The following PLCB1 variants were observed in gnomAD, a reference collection of about 807,000 sequenced individuals.
PLCB1 encodes the protein 1-phosphatidylinositol 4,5-bisphosphate phosphodiesterase beta-1.
Under a neutral mutation model 161.8 loss-of-function variants are expected in PLCB1, and 46 were observed. The ratio of observed to expected loss-of-function variants is 0.28; its 90% CI spans 0.22 to 0.36. PLCB1 has a LOEUF of 0.36. PLCB1 is among the 10% of genes least tolerant of loss of function. The pLI is 1.00. For missense variants in PLCB1, 1,016 were observed against 1,472.5 expected, an observed-to-expected ratio of 0.69 and a Z score of 5.07; for synonymous variants, 517 against 503.7, an observed-to-expected ratio of 1.03 and a Z score of -0.35.
chr20:8,155,011 A>G (rs1217909386), intron 2 of PLCB1, among the ~76,000 whole-genome samples: 2 of 152,198 alleles, frequency 1.3e-5, no homozygotes, highest in East Asian at 3.9e-4. Flanking sequence ...TTTTTAATCC[A>G]TATGTAATGT....
chr20:8,576,170 G>A (rs1986667460), intron 3 of PLCB1, among the ~76,000 whole-genome samples: 1 of 152,094 alleles, frequency 6.6e-6, no homozygotes, highest in Non-Finnish European at 1.5e-5. Context: ...AATAATTGGT[G>A]GGTATTTCTG....
intron 3 of PLCB1, among the ~76,000 whole-genome samples, chr20:8,406,270 C>A (rs1343691508): frequency 1.3e-5 from 2 of 152,162 alleles, no homozygotes; most frequent in Non-Finnish European, 2.9e-5. Context: ...AGCTGTTTCT[C>A]TCTTTCTTTA....
At chr20:8,380,419 T>G (rs1051288563) in intron 3 of PLCB1, among the ~76,000 whole-genome samples, 1 of 152,232 alleles carries the variant, frequency 6.6e-6, no homozygotes, top group Non-Finnish European at 1.5e-5. Flanking sequence ...AGGATTGTCT[T>G]GGCTATACAA....
At chr20:8,651,405 T>C (rs1202013616) in intron 7 of PLCB1, 1 of 718,890 alleles carries the variant, frequency 1.4e-6, no homozygotes, top group Non-Finnish European at 2.6e-6. Flanking sequence ...ATCACCTTTC[T>C]TCTATAGGTG....
chr20:8,573,073 G>A (rs1329565408), intron 3 of PLCB1, among the ~76,000 whole-genome samples: 4 of 152,104 alleles, frequency 2.6e-5, no homozygotes. Context: ...TATTGAGAAG[G>A]AATGGCCAGA....
At chr20:8,151,082 C>T (rs1374352839) in intron 2 of PLCB1, among the ~76,000 whole-genome samples, 3 of 152,110 alleles carry the variant, frequency 2.0e-5, no homozygotes, top group East Asian at 1.9e-4. Flanking sequence ...TTTCAAGCAT[C>T]GTTGCCACAG....
intron 3 of PLCB1, among the ~76,000 whole-genome samples, chr20:8,609,550 A>G (rs1177869634): frequency 2.6e-5 from 4 of 152,166 alleles, no homozygotes; most frequent in Non-Finnish European, 5.9e-5. Context: ...TCTTCAATTT[A>G]CCACCTATTA....
At chr20:8,538,207 T>C (rs1336798248) in intron 3 of PLCB1, among the ~76,000 whole-genome samples, 1 of 152,048 alleles carries the variant, frequency 6.6e-6, no homozygotes, top group Non-Finnish European at 1.5e-5. Flanking sequence ...TTCACATATC[T>C]TATGAAATAA....
chr20:8,184,870 C>T (rs1424326546), intron 2 of PLCB1, among the ~76,000 whole-genome samples: 2 of 150,652 alleles, frequency 1.3e-5, no homozygotes, highest in Admixed American at 1.3e-4. Flanking sequence ...TATATATGTC[C>T]CATGGTGGTT....
At chr20:8,830,222 A>G (rs1349653355) in intron 31 of PLCB1, among the ~76,000 whole-genome samples, 1 of 152,238 alleles carries the variant, frequency 6.6e-6, no homozygotes, top group Non-Finnish European at 1.5e-5. Flanking sequence ...GGCCTAAGGC[A>G]AAGGGAACAG....
At chr20:8,237,883 T>A (rs1172888152) in intron 2 of PLCB1, among the ~76,000 whole-genome samples, 4 of 152,128 alleles carry the variant, frequency 2.6e-5, no homozygotes, top group African/African-American at 9.7e-5. Flanking sequence ...TTTAAAAAAT[T>A]AATCCTGCCA....
intron 2 of PLCB1, among the ~76,000 whole-genome samples, chr20:8,291,750 G>A (rs1600291425): frequency 6.6e-6 from 1 of 152,102 alleles, no homozygotes; most frequent in South Asian, 2.1e-4. Flanking sequence ...CTTCACCATG[G>A]TGTAGGTACT....
At chr20:8,503,828 T>G (rs900283372) in intron 3 of PLCB1, among the ~76,000 whole-genome samples, 6 of 152,178 alleles carry the variant, frequency 3.9e-5, no homozygotes, top group Admixed American at 6.6e-5. Context: ...GTAACATAAA[T>G]AAAAATTTAG....
At chr20:8,425,354 C>T (rs957286138) in intron 3 of PLCB1, among the ~76,000 whole-genome samples, 8 of 152,050 alleles carry the variant, frequency 5.3e-5, no homozygotes, top group Admixed American at 4.6e-4. Flanking sequence ...CAATTTAGTT[C>T]CAGGAAATTG....
chr20:8,657,714 G>T (rs1989502917), intron 8 of PLCB1, among the ~76,000 whole-genome samples: 1 of 151,852 alleles, frequency 6.6e-6, no homozygotes, highest in African/African-American at 2.4e-5. Context: ...TTGCTTTTCT[G>T]TTAGAAATTA....
chr20:8,334,221 GAAAGA>G (rs968317230), intron 2 of PLCB1, among the ~76,000 whole-genome samples: 2 of 150,390 alleles, frequency 1.3e-5, no homozygotes, highest in African/African-American at 2.4e-5. Flanking sequence ...AAAAAAAAAA[GAAAGA>G]AAAGAAAAGA....
chr20:8,324,175 G>C lies in PLCB1; in HGVS notation c.178-47207G>C, dbSNP rs534137471. 7.3e-5 allele frequency among the ~76,000 whole-genome samples: 11 copies of C among 150,968 alleles called. No individual in the cohort carries two copies. In the Admixed American group the frequency reaches 7.3e-4, roughly 10 times the overall value. ...AAATTATGAACAGAACTTAGTCCTA[G>C]TTCACAGTCTCTAAACTGGTAGGGG... On this transcript the variant is annotated intron_variant, in intron 2 of 31. Transcript: ENST00000338037.
chr20:8,400,879 C>T (rs1978520555), intron 3 of PLCB1, among the ~76,000 whole-genome samples: 1 of 152,102 alleles, frequency 6.6e-6, no homozygotes. Flanking sequence ...GGGCACAATA[C>T]AGGTATATTC....
chr20:8,169,750 C>T (rs1276843123), intron 2 of PLCB1, among the ~76,000 whole-genome samples: 2 of 152,102 alleles, frequency 1.3e-5, no homozygotes, highest in African/African-American at 2.4e-5. Context: ...TGCCTGAATT[C>T]AGAGAGGACA....
Sources: allele counts gnomAD v4.1 joint callset (sites outside exome capture counted in the v4.1 genomes callset), GRCh38; gene constraint gnomAD v4.1.1; transcripts MANE v1.5; gene names NCBI Gene and HGNC (gene_info 2026-07-23, HGNC 2026-07-21).